Variants in MCC observed in about 807,000 individuals in gnomAD.
MCC encodes the protein colorectal mutant cancer protein.
A neutral mutation model predicts 116.2 loss-of-function variants in MCC; 90 were observed. The observed-to-expected ratio is 0.77, with a 90% CI of 0.65 to 0.92. MCC has a LOEUF of 0.92. Among genes scored for constraint, MCC ranks in the 40% least tolerant of loss-of-function variants. The probability of loss-of-function intolerance (pLI) is 0.00; values close to 1 mark genes in which losing one functional copy is unlikely to be tolerated. For synonymous variants in MCC, 578 were observed against 510.5 expected (o/e 1.13, Z -1.78); for missense variants, 1,516 against 1,312.2 (o/e 1.16, Z -2.40).
intron 7 of MCC, among the ~76,000 whole-genome samples, chr5:113,102,681 G>A (rs1320977012): frequency 1.3e-5 from 2 of 152,172 alleles, no homozygotes; most frequent in African/African-American, 2.4e-5. Context: ...AGGGAAAAAA[G>A]GAAGAAGTCA....
At chr5:113,129,091 C>T (rs1758270540) in intron 5 of MCC, among the ~76,000 whole-genome samples, 1 of 152,152 alleles carries the variant, frequency 6.6e-6, no homozygotes, top group South Asian at 2.1e-4. Context: ...CATTTTGTAG[C>T]AGACCCAGTA....
At chr5:113,130,771 A>C (rs949412280) in intron 5 of MCC, among the ~76,000 whole-genome samples, 1 of 152,130 alleles carries the variant, frequency 6.6e-6, no homozygotes, top group Non-Finnish European at 1.5e-5. Flanking sequence ...TTCTGCCATG[A>C]GTAGAAGCAG....
At chr5:113,028,740 C>A (rs1004278102) in intron 18 of MCC, among the ~76,000 whole-genome samples, 194 bp downstream of exon 18, 1 of 152,186 alleles carries the variant, frequency 6.6e-6, no homozygotes, top group African/African-American at 2.4e-5. Context: ...TTAGTTTCCA[C>A]AGACCATCTT....
intron 4 of MCC, among the ~76,000 whole-genome samples, chr5:113,148,540 G>T (rs1759661054): frequency 6.6e-6 from 1 of 152,170 alleles, no homozygotes; most frequent in Admixed American, 6.5e-5. Flanking sequence ...TATTTAGAGA[G>T]CTGGTAAAAC....
chr5:113,311,484 A>G (rs547348098), intron 3 of MCC, among the ~76,000 whole-genome samples: 2 of 152,316 alleles, frequency 1.3e-5, no homozygotes, highest in African/African-American at 2.4e-5. Flanking sequence ...TCAGCCATCA[A>G]GCCAGCTTAT....
chr5:113,448,412 T>G (rs1329550839), intron 1 of MCC: 5 of 151,970 alleles, frequency 3.3e-5, no homozygotes, highest in African/African-American at 9.7e-5. Flanking sequence ...GTAAACACTT[T>G]GTTTAAATAT....
chr5:113,054,138 G>A (rs1752663922), intron 14 of MCC, among the ~76,000 whole-genome samples, 179 bp from the exon 15 acceptor site: 1 of 152,182 alleles, frequency 6.6e-6, no homozygotes, highest in African/African-American at 2.4e-5. Context: ...AAAGAATTAA[G>A]TATGAAGAAT....
rs935450943 is a variant in MCC, at chr5:113,046,742, C to T, written c.2655+2351G>A. 3.7e-5 allele frequency among the ~76,000 whole-genome samples: 5 copies of T among 136,866 alleles called. No homozygotes were observed. In the Admixed American group the frequency reaches 3.9e-4, roughly 11 times the overall value. The allele number at this position is 136,866 out of a possible 152,430, so 89.8% of individuals were successfully genotyped here. On this transcript the variant is annotated intron_variant, in intron 16 of 18. Coordinates refer to ENST00000408903, the MANE Select transcript of MCC (RefSeq NM_001085377.2). ...AGATTTTGAAGGTGTTTGTATGGAA[C>T]CTCATCTTCCCGAGCCCCAGATACT... is the stretch of plus-strand genomic sequence containing the variant.
In MCC at chr5:113,376,838, G is replaced by A. The variant is rs112219389; in HGVS notation, c.415+8130C>T. Among the ~76,000 whole-genome samples the A allele has an allele frequency of 9.5e-4, 144 of 152,204 alleles. 2 individuals are homozygous for A. Among genetic ancestry groups the A allele is most frequent in the African/African-American group, 3.3e-3 (135 of 41,526 alleles). ...TACCCTAATTTCTCAAGCTGAGCAT[G>A]TAATCCAGGCCTGGCCAATCAGATC... On this transcript the variant is annotated intron_variant, in intron 2 of 18. Transcript: ENST00000408903.
chr5:113,440,295 C>T (rs1238051946), intron 1 of MCC, among the ~76,000 whole-genome samples: 1 of 151,394 alleles, frequency 6.6e-6, no homozygotes, highest in African/African-American at 2.5e-5. Flanking sequence ...GTAGACGTTC[C>T]TTCAGAATCT....
chr5:113,455,193 T>G (rs537901679), intron 1 of MCC, among the ~76,000 whole-genome samples: 1 of 152,194 alleles, frequency 6.6e-6, no homozygotes, highest in East Asian at 1.9e-4. Context: ...TGGCAGACCC[T>G]TCTTCATGCC....
chr5:113,199,681 G>A (rs1762588421), intron 3 of MCC, among the ~76,000 whole-genome samples: 1 of 152,204 alleles, frequency 6.6e-6, no homozygotes, highest in Non-Finnish European at 1.5e-5. Context: ...GGTGAAGGCA[G>A]TTGGATTGCA....
intron 1 of MCC, among the ~76,000 whole-genome samples, chr5:113,444,041 C>T (rs890826187): frequency 9.0e-5 from 13 of 144,592 alleles, no homozygotes; most frequent in South Asian, 6.3e-4. Flanking sequence ...GATGGGGTTT[C>T]GCCAAGTTGG....
intron 11 of MCC, among the ~76,000 whole-genome samples, chr5:113,076,224 G>C (rs932361557): frequency 6.6e-6 from 1 of 152,140 alleles, no homozygotes; most frequent in African/African-American, 2.4e-5. Context: ...AACCAAGCTG[G>C]AAAGCACTCT....
At chr5:113,187,988 A>C (rs1488706101) in intron 3 of MCC, among the ~76,000 whole-genome samples, 2 of 152,182 alleles carry the variant, frequency 1.3e-5, no homozygotes, top group African/African-American at 4.8e-5. Flanking sequence ...GCCCTGCTCA[A>C]GCATGATCCT....
At chr5:113,361,887 T>C (rs1487669859) in intron 2 of MCC, among the ~76,000 whole-genome samples, 1 of 152,200 alleles carries the variant, frequency 6.6e-6, no homozygotes, top group Non-Finnish European at 1.5e-5. Context: ...CCCCTCTGGA[T>C]CTCAGGCCTT....
chr5:113,402,402 T>C (rs1769719017), intron 1 of MCC, among the ~76,000 whole-genome samples: 1 of 151,620 alleles, frequency 6.6e-6, no homozygotes, highest in Admixed American at 6.6e-5. Flanking sequence ...CAAGTGATCC[T>C]CTCAGCCTCC....
Position 113,053,752 on chromosome 5 carries a change from C to T in MCC, c.2421G>A (p.Val807=). 2 of 1,612,878 alleles carry T rather than the reference C, an allele frequency of 1.2e-6. No individual in the cohort carries two copies. The highest frequency in any genetic ancestry group is 1.1e-5 in the South Asian group (1 of 91,056). The change falls in exon 15 of 19, where the codon GTG becomes GTA. Residue 807 remains valine (V), a synonymous_variant. Coordinates refer to ENST00000408903, the MANE Select transcript of MCC (RefSeq NM_001085377.2). ...TCATGGCCATGAGCTCCTGCATAAG[C>T]ACTGCGTTTTCCAGATCCAGCCTCT... ...DSQRLDLENA[V]LMQELMAMKE... is the part of the protein sequence containing the mutation.
chr5:113,448,550 G>T (rs1365007459), intron 1 of MCC, among the ~76,000 whole-genome samples: 1 of 152,202 alleles, frequency 6.6e-6, no homozygotes, highest in African/African-American at 2.4e-5. Context: ...CAGAATGACA[G>T]CTGCAGATAC....
Sources: gnomAD v4.1 joint callset for allele counts (sites outside exome capture counted in the v4.1 genomes callset) on GRCh38, gnomAD v4.1.1 for gene constraint, MANE v1.5 for transcripts, NCBI Gene and HGNC (gene_info 2026-07-23, HGNC 2026-07-21) for gene names.